Variants in KCNN2 observed in about 807,000 individuals in gnomAD.
KCNN2 encodes potassium calcium-activated channel subfamily N member 2.
A neutral mutation model predicts 55.5 loss-of-function variants in KCNN2; 24 were observed. The ratio of observed to expected loss-of-function variants is 0.43; its 90% CI spans 0.31 to 0.61. The LOEUF (loss-of-function observed/expected upper bound fraction) is 0.61, where lower values mean the gene tolerates loss of function less well. KCNN2 is among the 20% of genes least tolerant of loss of function. The pLI is 0.08. For synonymous variants in KCNN2, 431 were observed against 336.1 expected, an observed-to-expected ratio of 1.28 and a Z score of -3.09; for missense variants, 754 against 853.6, an observed-to-expected ratio of 0.88 and a Z score of 1.45.
At chr5:114,069,972 AT>A (rs1750532887) in intron 1 of KCNN2, among the ~76,000 whole-genome samples, 1 of 152,174 alleles carries the variant, frequency 6.6e-6, no homozygotes, top group South Asian at 2.1e-4. Context: ...ATATATGAAT[AT>A]ATCTCACTTT....
At chr5:114,174,691 A>G (rs930122537) in intron 1 of KCNN2, among the ~76,000 whole-genome samples, 5 of 152,120 alleles carry the variant, frequency 3.3e-5, no homozygotes, top group African/African-American at 1.2e-4. Context: ...GAATTTGTAT[A>G]TTTCCCTTCT....
At chr5:114,226,594 T>G (rs1407791827) in intron 2 of KCNN2, among the ~76,000 whole-genome samples, 1 of 152,142 alleles carries the variant, frequency 6.6e-6, no homozygotes, top group African/African-American at 2.4e-5. Flanking sequence ...TAAAAGTTAT[T>G]AAGCAACTGT....
chr5:114,162,888 G>A (rs1752820022), intron 1 of KCNN2, among the ~76,000 whole-genome samples: 1 of 152,116 alleles, frequency 6.6e-6, no homozygotes, highest in Non-Finnish European at 1.5e-5. Context: ...TGATTTTCCA[G>A]GTGCCGTCTG....
intron 1 of KCNN2, among the ~76,000 whole-genome samples, chr5:114,208,596 A>C (rs1469612101): frequency 6.6e-6 from 1 of 152,164 alleles, no homozygotes; most frequent in Non-Finnish European, 1.5e-5. Context: ...GCTGACACTG[A>C]GACCCCACCT....
chr5:114,183,815 A>G (rs1257617204), intron 1 of KCNN2, among the ~76,000 whole-genome samples: 1 of 151,220 alleles, frequency 6.6e-6, no homozygotes, highest in Non-Finnish European at 1.5e-5. Context: ...TAGGGCTTTA[A>G]GCTTTTTCTG....
chr5:114,181,675 T>C (rs1451152643), intron 1 of KCNN2, among the ~76,000 whole-genome samples: 1 of 152,236 alleles, frequency 6.6e-6, no homozygotes, highest in Non-Finnish European at 1.5e-5. Context: ...TGCTTCGAAA[T>C]ATTTTTATAA....
chr5:114,260,550 C>A (rs1230961631), intron 2 of KCNN2, among the ~76,000 whole-genome samples: 1 of 152,154 alleles, frequency 6.6e-6, no homozygotes, highest in Non-Finnish European at 1.5e-5. Context: ...TCTTTTAGAG[C>A]AATGATCTCG....
chr5:114,154,486 C>A (rs1752591270), intron 1 of KCNN2, among the ~76,000 whole-genome samples: 1 of 152,100 alleles, frequency 6.6e-6, no homozygotes, highest in Non-Finnish European at 1.5e-5. Context: ...TTATTACCTA[C>A]TCTACAGGCT....
intron 3 of KCNN2, among the ~76,000 whole-genome samples, chr5:114,437,869 G>C (rs771968449): frequency 1.3e-5 from 2 of 151,906 alleles, no homozygotes; most frequent in Non-Finnish European, 2.9e-5. Flanking sequence ...ATTTGTTTTT[G>C]GCTTTTCTAA....
At chr5:114,369,827 GT>G (rs1330525466) in intron 2 of KCNN2, among the ~76,000 whole-genome samples, 1 of 152,024 alleles carries the variant, frequency 6.6e-6, no homozygotes, top group African/African-American at 2.4e-5. Flanking sequence ...GGAACTTTAG[GT>G]TTACCACAAA....
chr5:114,289,804 G>A (rs1053367715), intron 2 of KCNN2, among the ~76,000 whole-genome samples: 1 of 152,158 alleles, frequency 6.6e-6, no homozygotes. Context: ...AACATGGGAA[G>A]TTTTCCATTT....
At chr5:114,069,846 C>T (rs775463342) in intron 1 of KCNN2, among the ~76,000 whole-genome samples, 2 of 152,270 alleles carry the variant, frequency 1.3e-5, no homozygotes, top group East Asian at 1.9e-4. Flanking sequence ...AGAGATGGAA[C>T]AAAGGGAGTG....
At chr5:114,165,916 G>T (rs1162019366) in intron 1 of KCNN2, among the ~76,000 whole-genome samples, 1 of 151,926 alleles carries the variant, frequency 6.6e-6, no homozygotes, top group African/African-American at 2.4e-5. Flanking sequence ...ATTTTTCAAG[G>T]GTCAACTGTA....
intron 3 of KCNN2, among the ~76,000 whole-genome samples, chr5:114,437,031 G>C (rs1399905714): frequency 6.6e-6 from 1 of 151,900 alleles, no homozygotes; most frequent in Admixed American, 6.6e-5. Context: ...TCTATAAAAT[G>C]TGTGTGTGTT....
intron 1 of KCNN2, among the ~76,000 whole-genome samples, chr5:114,095,398 A>G (rs1751234779): frequency 6.6e-6 from 1 of 152,206 alleles, no homozygotes; most frequent in Non-Finnish European, 1.5e-5. Flanking sequence ...ATATTATCTC[A>G]TTTAATGCTC....
chr5:114,437,063 G>C (rs992011851), intron 3 of KCNN2, among the ~76,000 whole-genome samples: 5 of 152,038 alleles, frequency 3.3e-5, no homozygotes, highest in Non-Finnish European at 5.9e-5. Context: ...GTTTGTGTGT[G>C]TGTATGCGTG....
At chr5:114,364,076 C>A in intron 2 of KCNN2, 75 bp downstream of exon 2, 1 of 1,085,682 alleles carries the variant, frequency 9.2e-7, no homozygotes, top group Non-Finnish European at 1.4e-6. Flanking sequence ...GCAGCAGAGG[C>A]TTTTTTCAAG....
chr5:114,427,127 TG>T (rs1482310947), intron 3 of KCNN2, among the ~76,000 whole-genome samples: 1 of 152,158 alleles, frequency 6.6e-6, no homozygotes, highest in East Asian at 1.9e-4. Context: ...TTCCTTTACT[TG>T]TTCTCTTCTC....
chr5:114,295,892 A>G (rs1580702945), intron 2 of KCNN2, among the ~76,000 whole-genome samples: 1 of 83,756 alleles, frequency 1.2e-5, no homozygotes, highest in Admixed American at 1.2e-4. Flanking sequence ...ATAAGCTACC[A>G]TAATCCTAAA....
Sources: gnomAD v4.1 joint callset for allele counts (sites outside exome capture counted in the v4.1 genomes callset) on GRCh38, gnomAD v4.1.1 for gene constraint, MANE v1.5 for transcripts, NCBI Gene and HGNC (gene_info 2026-07-23, HGNC 2026-07-21) for gene names.